Variants in DPP10 observed in about 807,000 individuals in gnomAD.
The protein encoded by DPP10 is inactive dipeptidyl peptidase 10.
In DPP10, 33 loss-of-function variants were observed where a neutral mutation model predicts 120.9. The ratio of observed to expected loss-of-function variants is 0.27; its 90% CI spans 0.21 to 0.37. The LOEUF is 0.37. Among genes scored for constraint, DPP10 ranks in the 10% least tolerant of loss-of-function variants. The probability of loss-of-function intolerance (pLI) is 1.00; values close to 1 mark genes in which losing one functional copy is unlikely to be tolerated. For synonymous variants in DPP10, 337 were observed against 326.1 expected (o/e 1.03, Z -0.36); for missense variants, 816 against 942.8 (o/e 0.87, Z 1.76).
At chr2:115,220,131 A>G (rs551616127) in intron 1 of DPP10, among the ~76,000 whole-genome samples, 56 of 152,284 alleles carry the variant, frequency 3.7e-4, no homozygotes, top group African/African-American at 1.3e-3. Context: ...GGGGAGATTT[A>G]GTTGCCTGTT....
At chr2:115,765,375 T>C (rs1028835520) in intron 12 of DPP10, among the ~76,000 whole-genome samples, 1 of 152,130 alleles carries the variant, frequency 6.6e-6, no homozygotes, top group African/African-American at 2.4e-5. Flanking sequence ...AAAACTAATA[T>C]TTTTGTTCAT....
At chr2:114,988,485 A>T (rs970654145) in intron 1 of DPP10, among the ~76,000 whole-genome samples, 12 of 151,938 alleles carry the variant, frequency 7.9e-5, no homozygotes, top group African/African-American at 2.9e-4. Flanking sequence ...ATAAATTATC[A>T]TTTTTTTTCT....
intron 5 of DPP10, among the ~76,000 whole-genome samples, chr2:115,599,853 CA>C: frequency 5.6e-4 from 2 of 3,594 alleles, no homozygotes; most frequent in South Asian, 0.1. Context: ...GCTCACATCT[CA>C]CTTTTTTTTG....
chr2:115,208,191 C>CTT (rs760142039), intron 1 of DPP10, among the ~76,000 whole-genome samples: 28 of 138,910 alleles, frequency 2.0e-4, no homozygotes, highest in African/African-American at 2.4e-4. Context: ...CATTATTTCT[C>CTT]TTTTTTTTTT....
intron 1 of DPP10, among the ~76,000 whole-genome samples, chr2:115,012,598 T>G (rs2105100674): frequency 6.6e-6 from 1 of 152,162 alleles, no homozygotes; most frequent in Middle Eastern, 3.4e-3. Flanking sequence ...ATCACTATAG[T>G]TTGGCTCACA....
chr2:114,663,258 ATC>A (rs1558980071), intron 1 of DPP10, among the ~76,000 whole-genome samples: 4 of 147,646 alleles, frequency 2.7e-5, no homozygotes, highest in East Asian at 2.0e-4. Flanking sequence ...ATATATATAT[ATC>A]TATATATATA....
At chr2:115,337,098 A>C (rs2063185388) in intron 2 of DPP10, among the ~76,000 whole-genome samples, 1 of 151,900 alleles carries the variant, frequency 6.6e-6, no homozygotes, top group Admixed American at 6.6e-5. Flanking sequence ...GCAGAGGGTA[A>C]GCTTGGAATT....
intron 1 of DPP10, among the ~76,000 whole-genome samples, chr2:114,728,212 A>T (rs1676538462): frequency 6.6e-6 from 1 of 152,202 alleles, no homozygotes; most frequent in Non-Finnish European, 1.5e-5. Flanking sequence ...AGGGAGAAGG[A>T]ACATAGCCCC....
intron 1 of DPP10, among the ~76,000 whole-genome samples, chr2:114,788,400 T>C (rs1682946081): frequency 6.7e-6 from 1 of 150,056 alleles, no homozygotes; most frequent in Non-Finnish European, 1.5e-5. Context: ...TTATTGCACA[T>C]GGAAAAGAAC....
At chr2:115,828,044 A>T (rs1688555118) in intron 21 of DPP10, among the ~76,000 whole-genome samples, 1 of 152,084 alleles carries the variant, frequency 6.6e-6, no homozygotes, top group Admixed American at 6.6e-5. Context: ...CTTGAAGAAC[A>T]TCCTTTAAAT....
At chr2:115,268,575 C>T (rs2059556507) in intron 1 of DPP10, among the ~76,000 whole-genome samples, 1 of 152,036 alleles carries the variant, frequency 6.6e-6, no homozygotes. Flanking sequence ...GGGCTGTAGA[C>T]TTTGGAAAGA....
At chr2:115,448,301 C>G (rs1045946960) in intron 3 of DPP10, among the ~76,000 whole-genome samples, 1 of 152,092 alleles carries the variant, frequency 6.6e-6, no homozygotes, top group Non-Finnish European at 1.5e-5. Context: ...AAAATACCAC[C>G]AGTCAATAAG....
intron 1 of DPP10, among the ~76,000 whole-genome samples, chr2:115,121,952 G>GA (rs2049845850): frequency 6.6e-6 from 1 of 152,192 alleles, no homozygotes; most frequent in Non-Finnish European, 1.5e-5. Context: ...GATTTGGGGG[G>GA]ATCAAAATTT....
At chr2:114,830,299 A>C (rs1256819096) in intron 1 of DPP10, among the ~76,000 whole-genome samples, 9 of 151,962 alleles carry the variant, frequency 5.9e-5, no homozygotes, top group Admixed American at 5.9e-4. Context: ...ACCGAGATTC[A>C]GTCAACCTGC....
chr2:114,587,121 C>A (rs1244639573), intron 1 of DPP10, among the ~76,000 whole-genome samples: 2 of 152,020 alleles, frequency 1.3e-5, no homozygotes, highest in Non-Finnish European at 2.9e-5. Flanking sequence ...CATGGAGAAA[C>A]CCCATCTCTA....
intron 19 of DPP10, among the ~76,000 whole-genome samples, chr2:115,807,464 A>G (rs542334983): frequency 6.6e-6 from 1 of 152,222 alleles, no homozygotes; most frequent in South Asian, 2.1e-4. Context: ...CAGTTTTTGG[A>G]TTTGTACTAC....
At chr2:115,199,834 G>A (rs2055567021) in intron 1 of DPP10, among the ~76,000 whole-genome samples, 1 of 152,104 alleles carries the variant, frequency 6.6e-6, no homozygotes, top group Non-Finnish European at 1.5e-5. Context: ...ACAGGTTGCA[G>A]ATCTGAGTTG....
intron 1 of DPP10, among the ~76,000 whole-genome samples, chr2:114,859,772 G>A (rs754309688): frequency 1.2e-4 from 18 of 152,054 alleles, no homozygotes; most frequent in Admixed American, 2.0e-4. Context: ...TCTCTTCTCA[G>A]CCAATTGTTT....
intron 12 of DPP10, 31 bp from the exon 13 acceptor site, chr2:115,768,266 T>G: frequency 1.9e-6 from 3 of 1,599,468 alleles, no homozygotes; most frequent in Non-Finnish European, 2.6e-6. Flanking sequence ...TGTGCCTTTC[T>G]GAGATTGTTC....
Sources: gnomAD v4.1 joint callset for allele counts (sites outside exome capture counted in the v4.1 genomes callset) on GRCh38, gnomAD v4.1.1 for gene constraint, MANE v1.5 for transcripts, NCBI Gene and HGNC (gene_info 2026-07-23, HGNC 2026-07-21) for gene names.